The following C12orf42 variants were observed in gnomAD, a reference collection of about 807,000 sequenced individuals.
C12orf42 encodes the protein chromosome 12 open reading frame 42, also known as uncharacterized protein C12orf42.
Under a neutral mutation model 21.6 loss-of-function variants are expected in C12orf42, and 25 were observed. The observed-to-expected ratio is 1.16, with a 90% CI of 0.84 to 1.62. The LOEUF is 1.62. Among genes scored for constraint, C12orf42 ranks in the 40% most tolerant of loss-of-function variants. The pLI, the probability that C12orf42 is intolerant of heterozygous loss-of-function variation, is 0.00. For synonymous variants in C12orf42, 174 were observed against 175.0 expected (o/e 0.99, Z 0.05); for missense variants, 483 against 459.3 (o/e 1.05, Z -0.47).
At chr12:103,553,703 A>G in the C12orf42 span, among the ~76,000 whole-genome samples, 1 of 152,158 alleles carries the variant, frequency 6.6e-6, no homozygotes, top group Admixed American at 6.6e-5. Flanking sequence ...CCACCTGCTC[A>G]CTGTGTTCAG....
At chr12:103,173,934 G>A in the C12orf42 span, among the ~76,000 whole-genome samples, 1 of 152,112 alleles carries the variant, frequency 6.6e-6, no homozygotes, top group Non-Finnish European at 1.5e-5. Context: ...CATCTTATCT[G>A]CATTCCTAAA....
At chr12:103,379,744 G>A (rs556436522) in intron 3 of C12orf42, among the ~76,000 whole-genome samples, 1 of 152,258 alleles carries the variant, frequency 6.6e-6, no homozygotes, top group South Asian at 2.1e-4. Flanking sequence ...GATTTCATTA[G>A]CCAATAAAGC....
At chr12:103,051,349 T>C in the C12orf42 span, among the ~76,000 whole-genome samples, 1 of 152,142 alleles carries the variant, frequency 6.6e-6, no homozygotes, top group Non-Finnish European at 1.5e-5. Context: ...GGAGAGTATA[T>C]AAGCCTTAAG....
the C12orf42 span, among the ~76,000 whole-genome samples, chr12:103,190,489 C>T: frequency 6.6e-6 from 1 of 152,138 alleles, no homozygotes; most frequent in African/African-American, 2.4e-5. Context: ...CTAATATTGA[C>T]TATGATATAC....
At chr12:103,182,415 T>C in the C12orf42 span, among the ~76,000 whole-genome samples, 2 of 152,118 alleles carry the variant, frequency 1.3e-5, no homozygotes, top group Non-Finnish European at 2.9e-5. Flanking sequence ...ATGAAATAGG[T>C]AAATTCTGAA....
At chr12:103,283,913 G>T (rs74879269) in intron 4 of C12orf42, among the ~76,000 whole-genome samples, 1 of 152,082 alleles carries the variant, frequency 6.6e-6, no homozygotes, top group Admixed American at 6.6e-5. Flanking sequence ...ACAATTTTCC[G>T]GGCAAATGCA....
At chr12:103,492,198 TCCA>T (rs1955230720) in intron 1 of C12orf42, among the ~76,000 whole-genome samples, 1 of 152,210 alleles carries the variant, frequency 6.6e-6, no homozygotes, top group Admixed American at 6.5e-5. Context: ...GCTCAAGTGA[TCCA>T]CCTGCCATGG....
At chr12:103,310,901 C>T (rs908040732) in intron 4 of C12orf42, among the ~76,000 whole-genome samples, 2 of 152,152 alleles carry the variant, frequency 1.3e-5, no homozygotes, top group African/African-American at 2.4e-5. Context: ...TAAAGGAAAA[C>T]AAACAACACT....
the C12orf42 span, chr12:103,168,180 T>G: frequency 6.9e-6 from 3 of 434,496 alleles, no homozygotes; most frequent in South Asian, 5.0e-5. Flanking sequence ...TTCCTCCCAC[T>G]TTTCTTCTGC....
chr12:103,338,495 C>T (rs1445410222), intron 4 of C12orf42, among the ~76,000 whole-genome samples: 1 of 152,226 alleles, frequency 6.6e-6, no homozygotes, highest in Non-Finnish European at 1.5e-5. Context: ...ACAGCAAGCG[C>T]TTCTAAGAAG....
intron 2 of C12orf42, among the ~76,000 whole-genome samples, chr12:103,464,269 A>G (rs1952946003): frequency 6.6e-6 from 1 of 152,170 alleles, no homozygotes; most frequent in Non-Finnish European, 1.5e-5. Flanking sequence ...TGCCATTCTG[A>G]CTGGCATAAG....
At position 103,456,144 on chromosome 12, in the gene C12orf42, T is replaced by A. The variant is rs190197363; in HGVS notation, c.78+22205A>T. 348 of 152,176 alleles carry A rather than the reference T, an allele frequency of 2.3e-3. 3 individuals carry two copies. The highest frequency in any genetic ancestry group is 7.9e-3 in the African/African-American group (330 of 41,512). The allele number at this position is 152,176 out of a possible 1,614,324, so 9.4% of individuals were successfully genotyped here. A position where few individuals can be genotyped will look rare whatever the true frequency, so the allele number is the denominator to read the frequency against. On this transcript the variant is annotated intron_variant, in intron 2 of 5. Transcript: ENST00000548883. ...CAGCTAAGGAAACCTGAAAACCCAATACCTTGGGTTTTATATCCCGGGGCA... is the reference window on the plus strand; with the variant it reads ...CAGCTAAGGAAACCTGAAAACCCAAAACCTTGGGTTTTATATCCCGGGGCA...
chr12:103,235,448 C>A (rs1320309509), downstream of C12orf42, among the ~76,000 whole-genome samples: 1 of 152,074 alleles, frequency 6.6e-6, no homozygotes, highest in African/African-American at 2.4e-5. Flanking sequence ...AATGTTGAAC[C>A]AGCCTTGCAT....
intron 4 of C12orf42, among the ~76,000 whole-genome samples, chr12:103,335,777 G>T (rs1408200518): frequency 6.6e-6 from 1 of 152,162 alleles, no homozygotes; most frequent in Non-Finnish European, 1.5e-5. Flanking sequence ...ATTTGTGGCT[G>T]AAAAAGAAAT....
At chr12:103,169,594 T>C in the C12orf42 span, among the ~76,000 whole-genome samples, 73,009 of 151,976 alleles carry the variant, frequency 0.48, 17,877 homozygotes, top group East Asian at 0.67. Context: ...TCAGTGCTCT[T>C]AAACACAATG....
chr12:103,323,073 A>G (rs2136915111), intron 4 of C12orf42, among the ~76,000 whole-genome samples: 1 of 150,620 alleles, frequency 6.6e-6, no homozygotes, highest in South Asian at 2.1e-4. Context: ...AATCTTCTAC[A>G]CTGGGCTATA....
chr12:103,366,659 T>C (rs553607789), intron 4 of C12orf42, among the ~76,000 whole-genome samples: 3 of 151,862 alleles, frequency 2.0e-5, no homozygotes. Context: ...GGGACATGAA[T>C]AGACAATTCT....
the C12orf42 span, among the ~76,000 whole-genome samples, chr12:103,179,897 C>T: frequency 6.6e-6 from 1 of 151,930 alleles, no homozygotes; most frequent in African/African-American, 2.4e-5. Flanking sequence ...ATGATAATTC[C>T]CAGATTTCTA....
intron 4 of C12orf42, among the ~76,000 whole-genome samples, chr12:103,286,250 CAAAA>C (rs2036449789): frequency 7.6e-6 from 1 of 132,128 alleles, no homozygotes; most frequent in Non-Finnish European, 1.6e-5. Context: ...GACTCCATCT[CAAAA>C]AATAAATAAA....
Sources: allele counts gnomAD v4.1 joint callset (sites outside exome capture counted in the v4.1 genomes callset), GRCh38; gene constraint gnomAD v4.1.1; transcripts MANE v1.5; gene names NCBI Gene and HGNC (gene_info 2026-07-23, HGNC 2026-07-21).